SLC16A12: variants seen among roughly 807,000 people sequenced by gnomAD.
SLC16A12 encodes solute carrier family 16 member 12, also known as monocarboxylate transporter 12.
Under a neutral mutation model 42.4 loss-of-function variants are expected in SLC16A12, and 17 were observed. The ratio of observed to expected loss-of-function variants is 0.40; its 90% confidence interval spans 0.27 to 0.60. The LOEUF is 0.60. Ranked by LOEUF, SLC16A12 falls within the 20% of genes least tolerant of loss-of-function variation. The pLI is 0.42. For synonymous variants in SLC16A12, 224 were observed against 229.4 expected (o/e 0.98, Z 0.21); for missense variants, 544 against 623.0 (o/e 0.87, Z 1.35).
intron 2 of SLC16A12, among the ~76,000 whole-genome samples, chr10:89,496,833 G>A (rs892102484): frequency 2.6e-5 from 4 of 152,110 alleles, no homozygotes; most frequent in African/African-American, 9.7e-5. Flanking sequence ...AAGCAAGACA[G>A]AGAGTGGAAG....
intron 6 of SLC16A12, among the ~76,000 whole-genome samples, chr10:89,438,299 T>G (rs932651851): frequency 3.9e-5 from 6 of 152,262 alleles, no homozygotes; most frequent in Non-Finnish European, 8.8e-5. Context: ...GCATAAAGTC[T>G]TATTGGAACG....
At chr10:89,451,526 C>T (rs11203133) in intron 3 of SLC16A12, among the ~76,000 whole-genome samples, 1 of 152,026 alleles carries the variant, frequency 6.6e-6, no homozygotes, top group Non-Finnish European at 1.5e-5. Flanking sequence ...ATTATCCTGT[C>T]TCAGCCTCCC....
At chr10:89,478,024 G>A (rs1842606480) in intron 2 of SLC16A12, among the ~76,000 whole-genome samples, 1 of 152,186 alleles carries the variant, frequency 6.6e-6, no homozygotes, top group Non-Finnish European at 1.5e-5. Flanking sequence ...GGTATAAGCA[G>A]TGTTAATAAT....
At chr10:89,481,646 T>A (rs1292769802) in intron 2 of SLC16A12, among the ~76,000 whole-genome samples, 1 of 79,310 alleles carries the variant, frequency 1.3e-5, no homozygotes, top group Non-Finnish European at 3.5e-5. Context: ...TTTTTTCTTG[T>A]GTGTGTGTGT....
intron 4 of SLC16A12, 69 bp downstream of exon 4, chr10:89,443,687 G>T: frequency 1.8e-6 from 2 of 1,127,940 alleles, no homozygotes; most frequent in Non-Finnish European, 2.7e-6. Context: ...ATCAAAGTCA[G>T]TGGAATGTCA....
At position 89,438,895 on chromosome 10, in the gene SLC16A12, T is replaced by G. The variant is rs771356705; in HGVS notation, c.737A>C (p.Lys246Thr). The change falls in exon 6 of 8, where the codon AAA becomes ACA. Residue 246 changes from lysine (K) to threonine (T), a missense_variant. By Grantham distance (78) the Lys-to-Thr change is moderately conservative. Transcript: ENST00000371790. ...GGGAGACACCCGCTTAATGTCTTCT[T>G]TCTGAGTTCTACACACATGGTTCTG... is the stretch of plus-strand genomic sequence containing the variant. The part of the protein sequence containing the change: ...PEQNHVCRTQ[K>T]EDIKRVSPYS... The G allele has an allele frequency of 6.2e-7, 1 of 1,613,424 alleles. No individual in the cohort carries two copies. Among genetic ancestry groups the G allele is most frequent in the Non-Finnish European group, 8.5e-7 (1 of 1,179,754 alleles).
intron 2 of SLC16A12, among the ~76,000 whole-genome samples, chr10:89,555,678 CGTATATACACACATATATACAT>C (rs1420875135): frequency 7.8e-6 from 1 of 128,258 alleles, no homozygotes; most frequent in African/African-American, 3.0e-5. Flanking sequence ...CACATATATA[CGTATATACACACATATATACAT>C]ATATATATAT....
intron 2 of SLC16A12, among the ~76,000 whole-genome samples, chr10:89,543,118 C>T (rs1843725313): frequency 6.6e-6 from 1 of 152,150 alleles, no homozygotes; most frequent in South Asian, 2.1e-4. Context: ...ACAAAAGATG[C>T]TTAATGGTTA....
At chr10:89,538,385 G>A (rs1444467087), upstream of SLC16A12, among the ~76,000 whole-genome samples, 1 of 152,144 alleles carries the variant, frequency 6.6e-6, no homozygotes, top group African/African-American at 2.4e-5. Context: ...TAAAATTGAG[G>A]TTTCTTGTGT....
At chr10:89,503,208 C>T (rs891690511) in intron 2 of SLC16A12, among the ~76,000 whole-genome samples, 2 of 152,164 alleles carry the variant, frequency 1.3e-5, no homozygotes, top group African/African-American at 4.8e-5. Context: ...TTCTTTTTCA[C>T]GTTATTTTTC....
chr10:89,505,557 A>G (rs944876572), intron 2 of SLC16A12, among the ~76,000 whole-genome samples: 6 of 152,174 alleles, frequency 3.9e-5, no homozygotes, highest in African/African-American at 1.4e-4. Context: ...TACCTGGTTC[A>G]TCTCACTGGG....
chr10:89,487,192 C>T (rs964293673), intron 2 of SLC16A12, among the ~76,000 whole-genome samples: 1 of 152,196 alleles, frequency 6.6e-6, no homozygotes, highest in African/African-American at 2.4e-5. Context: ...GGGGAAATCA[C>T]ATCTAACTCA....
chr10:89,510,403 C>T lies in SLC16A12; in HGVS notation c.-47+24098G>A, dbSNP rs557171734. Among the ~76,000 whole-genome samples, 56 of 152,202 alleles carry T rather than the reference C, an allele frequency of 3.7e-4. 2 individuals are homozygous for T. The South Asian group carries it at 6.8e-3, about 19-fold the overall frequency. ...AAAACAGGTATACAGACAAATGGAA[C>T]GGAACAGAGGCCTCAGAAATAACAC... On this transcript the variant is annotated intron_variant, in intron 2 of 7. Transcript: ENST00000371790.
intron 2 of SLC16A12, among the ~76,000 whole-genome samples, chr10:89,552,963 A>G (rs1843780349): frequency 6.6e-6 from 1 of 152,206 alleles, no homozygotes; most frequent in African/African-American, 2.4e-5. Context: ...TTGAAGCCCC[A>G]GCTGAATTCT....
chr10:89,526,195 A>G (rs976223779), intron 2 of SLC16A12, among the ~76,000 whole-genome samples: 1 of 152,066 alleles, frequency 6.6e-6, no homozygotes, highest in African/African-American at 2.4e-5. Context: ...ACAACTGTAC[A>G]TGGGGGAATT....
Position 89,474,629 on chromosome 10 carries a change from AC to A in SLC16A12, c.-46-12006del, listed in dbSNP as rs796465434. Among the ~76,000 whole-genome samples, 585 of 152,278 alleles carry A rather than the reference AC, an allele frequency of 3.8e-3. 10 individuals are homozygous for A. The highest frequency in any genetic ancestry group is 0.037 in the South Asian group (178 of 4,826). On this transcript the variant is annotated intron_variant, in intron 2 of 7. Coordinates refer to ENST00000371790, the MANE Select transcript of SLC16A12 (RefSeq NM_213606.4). ...ACCAGCTTCTCTCTAAACAGCGCAC[AC>A]CAGAGTGTGGCATTCATGTCACGGA... is the stretch of plus-strand genomic sequence containing the variant.
At chr10:89,508,810 CAATA>C (rs1398579832) in intron 2 of SLC16A12, among the ~76,000 whole-genome samples, 1 of 151,834 alleles carries the variant, frequency 6.6e-6, no homozygotes, top group Non-Finnish European at 1.5e-5. Context: ...TTGAAAAGAT[CAATA>C]AATAGATAGA....
At position 89,433,319 on chromosome 10, in the gene SLC16A12, C is replaced by T; in HGVS notation, c.1296G>A (p.Leu432=). The T allele has an allele frequency of 6.2e-7, 1 of 1,613,812 alleles. No homozygotes were observed. Among genetic ancestry groups the T allele is most frequent in the South Asian group, 1.1e-5 (1 of 91,056 alleles). The change falls in exon 8 of 8, where the codon CTG becomes CTA. Residue 432 remains leucine, a synonymous_variant. Transcript: ENST00000371790. ...CAGTGTAGCTGCCGGTGGTATCTAC[C>T]AGCCGTCCTGTAACAAACAACAGCA... The part of the protein sequence containing the change: ...YLVSPPIAGR[L]VDTTGSYTAA...
intron 3 of SLC16A12, among the ~76,000 whole-genome samples, chr10:89,450,857 A>G (rs1014151970): frequency 1.3e-5 from 2 of 152,212 alleles, no homozygotes; most frequent in Admixed American, 1.3e-4. Flanking sequence ...TTTATAGAGC[A>G]TTTTCAATTA....
Sources: allele counts gnomAD v4.1 joint callset (sites outside exome capture counted in the v4.1 genomes callset), GRCh38; gene constraint gnomAD v4.1.1; transcripts MANE v1.5; gene names NCBI Gene and HGNC (gene_info 2026-07-23, HGNC 2026-07-21).